The following SUPT3H variants were observed in gnomAD, a reference collection of about 807,000 sequenced individuals.
SUPT3H encodes the protein transcription initiation protein SPT3 homolog.
In SUPT3H, 44 loss-of-function variants were observed where a neutral mutation model predicts 44.3. The observed-to-expected ratio is 0.99, with a 90% CI of 0.78 to 1.28. The LOEUF is 1.28. Among genes scored for constraint, SUPT3H ranks in the 50% most tolerant of loss-of-function variants. The pLI is 0.00. For missense variants in SUPT3H, 380 were observed against 387.1 expected, an observed-to-expected ratio of 0.98 and a Z score of 0.15; for synonymous variants, 124 against 125.6, an observed-to-expected ratio of 0.99 and a Z score of 0.09.
In SUPT3H at chr6:44,936,835, T is replaced by C. The variant is rs377462955; in HGVS notation, c.802-4072A>G. The stretch of plus-strand genomic sequence containing the variant: ...GGCACACCTACCGCACCTGGCTTAT[T>C]TTTGTATTGTTAGTAGAGACAGGGT... On this transcript the variant is annotated intron_variant, in intron 9 of 10. Coordinates refer to ENST00000371459, the MANE Select transcript of SUPT3H (RefSeq NM_003599.4). 2.0e-5 allele frequency among the ~76,000 whole-genome samples: 3 copies of C among 152,142 alleles called. No homozygotes were observed. In the South Asian group the frequency reaches 6.2e-4, roughly 32 times the overall value.
chr6:44,826,443 A>G (rs1767759310), downstream of SUPT3H, among the ~76,000 whole-genome samples: 1 of 152,198 alleles, frequency 6.6e-6, no homozygotes, highest in Admixed American at 6.5e-5. Context: ...ATGCCCTTAG[A>G]TTATTTGCAG....
chr6:45,348,878 C>T (rs1017596788), intron 2 of SUPT3H, among the ~76,000 whole-genome samples: 3 of 152,084 alleles, frequency 2.0e-5, no homozygotes, highest in African/African-American at 7.2e-5. Context: ...CTTTAGTTCC[C>T]CCATTACACT....
chr6:45,120,956 G>T (rs1456471860), intron 2 of SUPT3H, among the ~76,000 whole-genome samples: 1 of 151,944 alleles, frequency 6.6e-6, no homozygotes, highest in Non-Finnish European at 1.5e-5. Flanking sequence ...ATAAGTATAG[G>T]TTAACTTCAT....
intron 2 of SUPT3H, among the ~76,000 whole-genome samples, chr6:45,115,231 T>C (rs1210305822): frequency 6.6e-6 from 1 of 151,394 alleles, no homozygotes. Context: ...ACCCGGGGAG[T>C]CAGCAACAGT....
At chr6:44,842,493 G>A (rs542895709) in intron 10 of SUPT3H, among the ~76,000 whole-genome samples, 1 of 152,028 alleles carries the variant, frequency 6.6e-6, no homozygotes, top group African/African-American at 2.4e-5. Flanking sequence ...GAGATCATGA[G>A]GCTAGTCAGT....
chr6:44,960,261 G>C (rs1438834979), intron 7 of SUPT3H, among the ~76,000 whole-genome samples: 1 of 151,600 alleles, frequency 6.6e-6, no homozygotes. Flanking sequence ...ACAAAAATTA[G>C]CTGGGTGTGG....
intron 2 of SUPT3H, chr6:45,197,624 G>A: frequency 2.9e-6 from 1 of 346,168 alleles, no homozygotes; most frequent in Non-Finnish European, 5.7e-6. Context: ...CAAAAGTTTT[G>A]TGGTATTTGC....
chr6:45,248,060 T>C (rs1016532085), intron 2 of SUPT3H, among the ~76,000 whole-genome samples: 2 of 152,032 alleles, frequency 1.3e-5, no homozygotes, highest in African/African-American at 4.8e-5. Flanking sequence ...CTTTACAACT[T>C]ATACAAATGT....
intron 2 of SUPT3H, among the ~76,000 whole-genome samples, chr6:45,300,639 T>C (rs749093317): frequency 1.1e-4 from 17 of 152,148 alleles, no homozygotes; most frequent in Non-Finnish European, 4.4e-5. Context: ...AGTTATCCTA[T>C]GGGTTGATGA....
chr6:45,003,246 C>A (rs1371614122), intron 6 of SUPT3H, among the ~76,000 whole-genome samples: 2 of 152,036 alleles, frequency 1.3e-5, no homozygotes, highest in Non-Finnish European at 2.9e-5. Flanking sequence ...GCAACTATAG[C>A]CAGAAGAATA....
intron 5 of SUPT3H, among the ~76,000 whole-genome samples, chr6:45,005,977 G>A (rs1199859612): frequency 2.6e-5 from 4 of 151,966 alleles, no homozygotes; most frequent in Non-Finnish European, 5.9e-5. Flanking sequence ...TTACTATTTA[G>A]TGCTTATGGG....
At chr6:45,137,357 A>T (rs956692425) in intron 2 of SUPT3H, among the ~76,000 whole-genome samples, 1 of 152,022 alleles carries the variant, frequency 6.6e-6, no homozygotes, top group South Asian at 2.1e-4. Flanking sequence ...ATATGGGGGT[A>T]AACATAAAAG....
At chr6:44,936,202 T>C (rs1771385125) in intron 9 of SUPT3H, among the ~76,000 whole-genome samples, 1 of 152,214 alleles carries the variant, frequency 6.6e-6, no homozygotes, top group Non-Finnish European at 1.5e-5. Context: ...GTTTCATCCT[T>C]ATGGAGAATT....
intron 3 of SUPT3H, among the ~76,000 whole-genome samples, chr6:45,023,683 T>C (rs943879654): frequency 6.6e-6 from 1 of 152,092 alleles, no homozygotes; most frequent in Non-Finnish European, 1.5e-5. Flanking sequence ...TACTGCATGT[T>C]CTCACTTATA....
chr6:45,093,854 C>A (rs1482547142), intron 3 of SUPT3H, among the ~76,000 whole-genome samples: 1 of 151,856 alleles, frequency 6.6e-6, no homozygotes, highest in African/African-American at 2.4e-5. Flanking sequence ...AGAAAAAAAC[C>A]TAATATGATT....
At chr6:45,312,469 C>G (rs184281691) in intron 2 of SUPT3H, among the ~76,000 whole-genome samples, 1 of 146,930 alleles carries the variant, frequency 6.8e-6, no homozygotes, top group Non-Finnish European at 1.5e-5. Flanking sequence ...GAGCCGAGAT[C>G]GTGCCACTGC....
At position 44,906,737 on chromosome 6, in the gene SUPT3H, G is replaced by A. The variant is rs1339475012; in HGVS notation, c.912+25916C>T. The stretch of plus-strand genomic sequence containing the variant: ...AGACTGCGCCACTGCACTCCAACCT[G>A]GGCAACAGAGTGAGACTCCGTCTCA... On this transcript the variant is annotated intron_variant, in intron 10 of 10. Coordinates refer to ENST00000371459, the MANE Select transcript of SUPT3H (RefSeq NM_003599.4). Among the ~76,000 whole-genome samples the A allele has an allele frequency of 2.6e-5, 4 of 152,090 alleles. No individual in the cohort carries two copies. The East Asian group carries it at 5.8e-4, about 22-fold the overall frequency.
chr6:45,322,680 C>T (rs549246517), intron 2 of SUPT3H, among the ~76,000 whole-genome samples: 13 of 152,104 alleles, frequency 8.5e-5, no homozygotes, highest in African/African-American at 3.1e-4. Context: ...TTACTGAAAC[C>T]AATGAAAAAT....
chr6:45,182,510 C>G (rs969472184), intron 2 of SUPT3H, among the ~76,000 whole-genome samples: 1 of 152,220 alleles, frequency 6.6e-6, no homozygotes. Context: ...GATCTGCCCG[C>G]CTCAGCCTCC....
Sources: gnomAD v4.1 joint callset for allele counts (sites outside exome capture counted in the v4.1 genomes callset) on GRCh38, gnomAD v4.1.1 for gene constraint, MANE v1.5 for transcripts, NCBI Gene and HGNC (gene_info 2026-07-23, HGNC 2026-07-21) for gene names.